The following SYN3 variants were observed in gnomAD, a reference collection of about 807,000 sequenced individuals.
The protein encoded by SYN3 is synapsin III.
SYN3 carries 35 observed loss-of-function variants against 65.8 expected under a neutral mutation model. The ratio of observed to expected loss-of-function variants is 0.53; its 90% CI spans 0.41 to 0.70. The LOEUF (loss-of-function observed/expected upper bound fraction) is 0.70, where lower values mean the gene tolerates loss of function less well. Among genes scored for constraint, SYN3 ranks in the 30% least tolerant of loss-of-function variants. SYN3 has a pLI of 0.00. For synonymous variants in SYN3, 270 were observed against 292.9 expected (o/e 0.92, Z 0.80); for missense variants, 680 against 749.0 (o/e 0.91, Z 1.08).
intron 6 of SYN3, among the ~76,000 whole-genome samples, chr22:32,755,174 A>C (rs1361645058): frequency 6.6e-6 from 1 of 152,210 alleles, no homozygotes; most frequent in Non-Finnish European, 1.5e-5. Flanking sequence ...TGCAAAGGTC[A>C]TCTTGTTAAA....
In SYN3 at chr22:32,883,428, G is replaced by A. The variant is rs531633762; in HGVS notation, c.462-14303C>T. Among the ~76,000 whole-genome samples the A allele has an allele frequency of 2.0e-5, 3 of 152,300 alleles. No individual in the cohort carries two copies. In the South Asian group the frequency reaches 6.2e-4, roughly 32 times the overall value. ...CTCTGGGTTTTACCCACTGTGTCTG[G>A]GGCTGTGTGTGTTTACTGGTTTGGC... On this transcript the variant is annotated intron_variant, in intron 4 of 13. Coordinates refer to ENST00000358763, the MANE Select transcript of SYN3 (RefSeq NM_003490.4).
intron 2 of SYN3, among the ~76,000 whole-genome samples, chr22:32,987,316 ACACT>A (rs1186411777): frequency 6.6e-6 from 1 of 152,144 alleles, no homozygotes; most frequent in Non-Finnish European, 1.5e-5. Context: ...TGAAGGCAAA[ACACT>A]CAGAGACTTT....
chr22:32,573,728 G>T (rs2058810301), intron 7 of SYN3, among the ~76,000 whole-genome samples: 1 of 150,224 alleles, frequency 6.7e-6, no homozygotes, highest in Non-Finnish European at 1.5e-5. Flanking sequence ...CAACTGGAAA[G>T]GAAAAGGAAA....
chr22:32,826,531 T>C (rs1372040977), intron 6 of SYN3, among the ~76,000 whole-genome samples: 6 of 152,204 alleles, frequency 3.9e-5, no homozygotes, highest in Non-Finnish European at 5.9e-5. Context: ...GGTCCTATTT[T>C]GTTAAATTTT....
At position 32,776,238 on chromosome 22, in the gene SYN3, A is replaced by G. The variant is rs534075543; in HGVS notation, c.711+88677T>C. On this transcript the variant is annotated intron_variant, in intron 6 of 13. Transcript: ENST00000358763. Reference sequence around the variant, plus strand: ...GGCGACACCCTTTTTTTTTCAGCCCATTGAGACCAGTTTGGGACTTCTGGC... The same window carrying G: ...GGCGACACCCTTTTTTTTTCAGCCCGTTGAGACCAGTTTGGGACTTCTGGC... Among the ~76,000 whole-genome samples the G allele has an allele frequency of 2.0e-5, 3 of 152,142 alleles. No individual in the cohort carries two copies. The East Asian group carries it at 5.8e-4, about 29-fold the overall frequency.
intron 4 of SYN3, among the ~76,000 whole-genome samples, chr22:32,919,996 A>G (rs1329072392): frequency 6.6e-6 from 1 of 152,058 alleles, no homozygotes; most frequent in Non-Finnish European, 1.5e-5. Context: ...CATCCTCCCT[A>G]CAAACAGTAA....
intron 6 of SYN3, among the ~76,000 whole-genome samples, chr22:32,692,920 A>G (rs2060685523): frequency 6.6e-6 from 1 of 152,192 alleles, no homozygotes; most frequent in African/African-American, 2.4e-5. Flanking sequence ...CCCAAAGCTA[A>G]TCACAATTAG....
intron 6 of SYN3, among the ~76,000 whole-genome samples, chr22:32,768,845 T>C (rs2057263998): frequency 6.6e-6 from 1 of 152,192 alleles, no homozygotes; most frequent in Non-Finnish European, 1.5e-5. Flanking sequence ...GTGACGATGA[T>C]TTTGTTTCAA....
intron 6 of SYN3, among the ~76,000 whole-genome samples, chr22:32,843,014 A>G (rs886751052): frequency 6.6e-6 from 1 of 151,898 alleles, no homozygotes; most frequent in Non-Finnish European, 1.5e-5. Context: ...ATTATGAACT[A>G]TTTTGCAACC....
chr22:32,980,570 C>G (rs1431509527), intron 3 of SYN3, 75 bp downstream of exon 3: 65 of 1,375,546 alleles, frequency 4.7e-5, no homozygotes, highest in Non-Finnish European at 2.1e-6. Context: ...AGATGGGGAC[C>G]AAGATTGCAT....
At chr22:32,942,878 G>A (rs2050983672) in intron 3 of SYN3, among the ~76,000 whole-genome samples, 1 of 152,184 alleles carries the variant, frequency 6.6e-6, no homozygotes, top group African/African-American at 2.4e-5. Flanking sequence ...AATGAAGTGA[G>A]AAGAGAAGTT....
rs150021977 is a variant in SYN3, at chr22:32,646,855, T to C, written c.712-50119A>G. On this transcript the variant is annotated intron_variant, in intron 6 of 13. Transcript: ENST00000358763. The stretch of plus-strand genomic sequence containing the variant: ...CTCTGTGGTTCTGTTTTGGATGAGA[T>C]ATTCCAGATGGAGCAGCTGAAGTGA... 2.7e-3 allele frequency among the ~76,000 whole-genome samples: 417 copies of C among 152,286 alleles called. 2 individuals are homozygous for C. Among genetic ancestry groups the C allele is most frequent in the African/African-American group, 9.3e-3 (388 of 41,556 alleles).
At chr22:33,039,608 C>G (rs1280503471) in intron 1 of SYN3, among the ~76,000 whole-genome samples, 2 of 152,074 alleles carry the variant, frequency 1.3e-5, no homozygotes, top group Non-Finnish European at 2.9e-5. Flanking sequence ...GTTGGCCAGG[C>G]TGGTCTCGAA....
At chr22:32,920,266 C>A (rs925965135) in intron 4 of SYN3, among the ~76,000 whole-genome samples, 5 of 152,200 alleles carry the variant, frequency 3.3e-5, no homozygotes, top group African/African-American at 1.2e-4. Context: ...GGGTGTTTTT[C>A]ATTCTTGGTT....
intron 4 of SYN3, among the ~76,000 whole-genome samples, chr22:32,913,243 C>T (rs948589903): frequency 2.0e-5 from 3 of 151,850 alleles, no homozygotes; most frequent in Non-Finnish European, 4.4e-5. Context: ...TCACTGCAAG[C>T]TCCAGCTCCC....
At chr22:32,873,523 C>G (rs2048906652) in intron 4 of SYN3, among the ~76,000 whole-genome samples, 1 of 152,152 alleles carries the variant, frequency 6.6e-6, no homozygotes, top group South Asian at 2.1e-4. Flanking sequence ...CTGGTTTTAT[C>G]TGCTCTGTAC....
intron 1 of SYN3, among the ~76,000 whole-genome samples, chr22:33,034,310 G>A (rs1226466837): frequency 4.0e-5 from 6 of 149,174 alleles, no homozygotes; most frequent in Non-Finnish European, 7.4e-5. Flanking sequence ...GCAGTGGCAC[G>A]ATCTTGACTC....
intron 7 of SYN3, among the ~76,000 whole-genome samples, chr22:32,563,533 G>A (rs1475607895): frequency 6.6e-6 from 1 of 152,198 alleles, no homozygotes; most frequent in African/African-American, 2.4e-5. Flanking sequence ...GGAACAGCCT[G>A]GCATGTTCCG....
chr22:32,962,801 CATCTATCTATCTATCTATCTATCT>C (rs56349346), intron 3 of SYN3, among the ~76,000 whole-genome samples: 4,722 of 146,558 alleles, frequency 0.032, 269 homozygotes, highest in African/African-American at 0.11. Flanking sequence ...AGAGTATCGG[CATCTATCTATCTATCTATCTATCT>C]ATCTATCTAT....
Sources: allele counts gnomAD v4.1 joint callset (sites outside exome capture counted in the v4.1 genomes callset), GRCh38; gene constraint gnomAD v4.1.1; transcripts MANE v1.5; gene names NCBI Gene and HGNC (gene_info 2026-07-23, HGNC 2026-07-21).